TTC34: variants seen among roughly 807,000 people sequenced by gnomAD.
TTC34 encodes tetratricopeptide repeat domain 34.
In TTC34, 44 loss-of-function variants were observed where a neutral mutation model predicts 40.7. The ratio of observed to expected loss-of-function variants is 1.08; its 90% CI spans 0.85 to 1.39. The LOEUF (loss-of-function observed/expected upper bound fraction) is 1.39, where lower values mean the gene tolerates loss of function less well. Ranked by LOEUF, TTC34 falls within the 40% of genes most tolerant of loss-of-function variation. TTC34 has a pLI of 0.00. For missense variants in TTC34, 884 were observed against 838.0 expected, an observed-to-expected ratio of 1.05 and a Z score of -0.68; for synonymous variants, 422 against 398.6, an observed-to-expected ratio of 1.06 and a Z score of -0.70.
chr1:2,654,433 C>A, intron 6 of TTC34, among the ~76,000 whole-genome samples: 1 of 151,466 alleles, frequency 6.6e-6, no homozygotes, highest in Admixed American at 6.6e-5. Context: ...CATCTGACAG[C>A]CTGGAACAGC....
At chr1:2,749,967 C>G (rs1401771468) in intron 6 of TTC34, among the ~76,000 whole-genome samples, 1 of 58,514 alleles carries the variant, frequency 1.7e-5, no homozygotes, top group Non-Finnish European at 3.0e-5. Context: ...ACACACACCG[C>G]CAGGTGAGCA....
intron 6 of TTC34, among the ~76,000 whole-genome samples, chr1:2,699,229 CCGCCCGG>C (rs1641014305): frequency 7.0e-6 from 1 of 142,954 alleles, no homozygotes. Context: ...GAGCATCTGA[CCGCCCGG>C]AGCAGCACCC....
At chr1:2,800,061 G>C (rs1643755354) in exon 2 of TTC34, 1 of 398,458 alleles carries the variant, frequency 2.5e-6, no homozygotes, top group African/African-American at 2.1e-5. Flanking sequence ...TTCGCTGCCG[G>C]TGGGATGGGC....
exon 9 of TTC34, chr1:2,639,848 CAT>C (rs1638865923): frequency 1.3e-5 from 2 of 152,540 alleles, no homozygotes; most frequent in African/African-American, 4.8e-5. Flanking sequence ...GCCAGAGACA[CAT>C]AGGCGGTGCC....
At chr1:2,750,266 C>T (rs1451071908) in intron 6 of TTC34, among the ~76,000 whole-genome samples, 11 of 121,826 alleles carry the variant, frequency 9.0e-5, no homozygotes, top group South Asian at 2.9e-4. Flanking sequence ...ATCTGACAGC[C>T]TGGAAAAGAG....
At chr1:2,648,916 C>T (rs1038968277) in intron 6 of TTC34, among the ~76,000 whole-genome samples, 1 of 151,542 alleles carries the variant, frequency 6.6e-6, no homozygotes, top group East Asian at 1.9e-4. Flanking sequence ...GGATGGCACC[C>T]CACACACCTA....
At chr1:2,691,699 C>G (rs1395404977) in intron 6 of TTC34, among the ~76,000 whole-genome samples, 2 of 88,852 alleles carry the variant, frequency 2.3e-5, no homozygotes, top group African/African-American at 7.3e-5. Flanking sequence ...CAACAGCACC[C>G]ACATCCCCAG....
At chr1:2,797,194 G>T (rs1048925761) in intron 2 of TTC34, among the ~76,000 whole-genome samples, 2 of 152,150 alleles carry the variant, frequency 1.3e-5, no homozygotes, top group South Asian at 4.1e-4. Context: ...CTGCTCTGCA[G>T]ATTCCATGAT....
At chr1:2,790,298 A>G in exon 3 of TTC34, 1 of 398,358 alleles carries the variant, frequency 2.5e-6, no homozygotes, top group East Asian at 3.6e-5. Flanking sequence ...GCCGTCCAGG[A>G]AGAAGGCCGA....
Position 2,765,664 on chromosome 1 carries a change from C to G in TTC34, c.2226+17945G>C, listed in dbSNP as rs1283926545. On this transcript the variant is annotated intron_variant, in intron 6 of 8. Coordinates refer to ENST00000401095, the Ensembl canonical transcript of TTC34. The stretch of plus-strand genomic sequence containing the variant: ...CAGGTGAGCATTCGACAGCCTGGAA[C>G]AGCACCCATACCCCCAGGCGAGCAT... Among the ~76,000 whole-genome samples, 21 of 18,658 alleles carry G rather than the reference C, an allele frequency of 1.1e-3. 2 individuals carry two copies. The highest frequency in any genetic ancestry group is 1.6e-3 in the Non-Finnish European group (20 of 12,550). The allele number at this position is 18,658 out of a possible 152,430, so 12.2% of individuals were successfully genotyped here.
chr1:2,653,350 C>G (rs76323520), intron 6 of TTC34, among the ~76,000 whole-genome samples: 72 of 131,336 alleles, frequency 5.5e-4, no homozygotes, highest in East Asian at 1.4e-3. Flanking sequence ...ATCTGACAGC[C>G]TGGAACAGCA....
chr1:2,642,717 A>C (rs934116362), intron 8 of TTC34, among the ~76,000 whole-genome samples: 5 of 152,230 alleles, frequency 3.3e-5, no homozygotes, highest in Non-Finnish European at 7.3e-5. Flanking sequence ...CCTCTCTTCC[A>C]GCAGCCCGGC....
chr1:2,688,569 A>T (rs1276178555), intron 6 of TTC34, among the ~76,000 whole-genome samples: 6 of 134,728 alleles, frequency 4.5e-5, no homozygotes, highest in Non-Finnish European at 9.1e-5. Context: ...CAGCACCCAC[A>T]CCTTCCGGCG....
At position 2,644,443 on chromosome 1, in the gene TTC34, CT is replaced by C; in HGVS notation, c.2532del (p.Ala845ProfsTer144). On this transcript the variant is annotated frameshift_variant, in exon 8 of 9. Coordinates refer to ENST00000401095, the Ensembl canonical transcript of TTC34. LOFTEE classifies it high-confidence loss of function. The stretch of plus-strand genomic sequence containing the variant: ...TCTGACGTTGGGGCACGGTGCAGGG[CT>C]TTTTCCAGGTGGGTGCCAGCTTCCT... 1 of 1,535,026 alleles carries C rather than the reference CT, an allele frequency of 6.5e-7. No individual in the cohort carries two copies. Among genetic ancestry groups the C allele is most frequent in the Non-Finnish European group, 8.7e-7 (1 of 1,146,064 alleles).
At chr1:2,647,625 C>G (rs1639045305) in intron 6 of TTC34, among the ~76,000 whole-genome samples, 1 of 152,144 alleles carries the variant, frequency 6.6e-6, no homozygotes, top group African/African-American at 2.4e-5. Flanking sequence ...CAGAGTGAGA[C>G]TCCATCTCTT....
chr1:2,684,608 C>A (rs71503021), intron 6 of TTC34, among the ~76,000 whole-genome samples: 4 of 133,016 alleles, frequency 3.0e-5, no homozygotes, highest in African/African-American at 1.3e-4. Flanking sequence ...CCCAGGTGAG[C>A]ATCTGACCGC....
At chr1:2,764,255 C>T (rs1313672379) in intron 6 of TTC34, among the ~76,000 whole-genome samples, 3 of 149,860 alleles carry the variant, frequency 2.0e-5, no homozygotes, top group Admixed American at 6.6e-5. Flanking sequence ...TGGAGCAGCA[C>T]GCACACCCCC....
At chr1:2,699,258 C>A (rs371290511) in intron 6 of TTC34, among the ~76,000 whole-genome samples, 1 of 135,524 alleles carries the variant, frequency 7.4e-6, no homozygotes, top group Non-Finnish European at 1.6e-5. Context: ...TACCCCAAGG[C>A]GAGCATCTGA....
At chr1:2,795,405 A>T (rs1405496575) in intron 2 of TTC34, among the ~76,000 whole-genome samples, 2 of 152,120 alleles carry the variant, frequency 1.3e-5, no homozygotes, top group Non-Finnish European at 2.9e-5. Context: ...AGGTGGCCTC[A>T]CTCATGTGTC....
Sources: allele counts gnomAD v4.1 joint callset (sites outside exome capture counted in the v4.1 genomes callset), GRCh38; gene constraint gnomAD v4.1.1; transcripts MANE v1.5; gene names NCBI Gene and HGNC (gene_info 2026-07-23, HGNC 2026-07-21).